Variants in SLC35F4 observed in about 807,000 individuals in gnomAD.
SLC35F4 encodes the protein chromosome 14 open reading frame 36.
Under a neutral mutation model 44.2 loss-of-function variants are expected in SLC35F4, and 24 were observed. The ratio of observed to expected loss-of-function variants is 0.54; its 90% CI spans 0.39 to 0.76. SLC35F4 has a LOEUF of 0.76. Among genes scored for constraint, SLC35F4 ranks in the 30% least tolerant of loss-of-function variants. The pLI, the probability that SLC35F4 is intolerant of heterozygous loss-of-function variation, is 0.00. For missense variants in SLC35F4, 562 were observed against 586.1 expected, an observed-to-expected ratio of 0.96 and a Z score of 0.42; for synonymous variants, 238 against 223.6, an observed-to-expected ratio of 1.06 and a Z score of -0.57.
chr14:57,970,525 A>T (rs1275367741), intron 1 of SLC35F4, among the ~76,000 whole-genome samples: 1 of 152,126 alleles, frequency 6.6e-6, no homozygotes, highest in Non-Finnish European at 1.5e-5. Flanking sequence ...TTTTGTTATG[A>T]ATGAAGTAGA....
chr14:57,652,172 G>A (rs574056021), intron 1 of SLC35F4, among the ~76,000 whole-genome samples: 2 of 152,322 alleles, frequency 1.3e-5, no homozygotes, highest in East Asian at 3.9e-4. Context: ...TCATACATAA[G>A]TATGGAAAAG....
At chr14:57,684,417 A>G (rs2075006631) in intron 1 of SLC35F4, among the ~76,000 whole-genome samples, 1 of 152,138 alleles carries the variant, frequency 6.6e-6, no homozygotes, top group Non-Finnish European at 1.5e-5. Flanking sequence ...ATCACCAGGC[A>G]TTAGATTCTC....
intron 1 of SLC35F4, among the ~76,000 whole-genome samples, chr14:57,727,433 AATTTT>A (rs1248917830): frequency 2.7e-5 from 4 of 150,254 alleles, no homozygotes; most frequent in Non-Finnish European, 5.9e-5. Context: ...TTCTTCTACT[AATTTT>A]GGGTTCAGTT....
At chr14:57,814,304 A>G (rs922476577) in intron 1 of SLC35F4, among the ~76,000 whole-genome samples, 13 of 152,248 alleles carry the variant, frequency 8.5e-5, no homozygotes, top group Admixed American at 1.3e-4. Context: ...TTCTAACTTC[A>G]GAATTTTCTT....
At chr14:57,726,899 A>C (rs1035325865) in intron 1 of SLC35F4, among the ~76,000 whole-genome samples, 2 of 152,140 alleles carry the variant, frequency 1.3e-5, no homozygotes, top group Non-Finnish European at 2.9e-5. Context: ...AGCTGCCAGC[A>C]CAGCTAGAAT....
intron 1 of SLC35F4, among the ~76,000 whole-genome samples, chr14:57,939,463 C>T (rs897369994): frequency 6.6e-6 from 1 of 152,180 alleles, no homozygotes; most frequent in Non-Finnish European, 1.5e-5. Context: ...GGGGCATTGG[C>T]CTGGAGACCA....
At chr14:57,714,603 T>G (rs931061696) in intron 1 of SLC35F4, among the ~76,000 whole-genome samples, 1 of 152,160 alleles carries the variant, frequency 6.6e-6, no homozygotes, top group Admixed American at 6.6e-5. Flanking sequence ...CAAACGATAT[T>G]GCCTGCCTGA....
Position 57,965,433 on chromosome 14 carries a change from G to A in SLC35F4, n.282+16480C>T, listed in dbSNP as rs372837845. On this transcript the variant is annotated intron_variant and non_coding_transcript_variant, in intron 1 of 1. Transcript: ENST00000556568. ...TAACCTCGCTATCTTGAGATTGGCTGTTTATCAGCTTTAATTTCATCTGCA... is the reference window on the plus strand; with the variant it reads ...TAACCTCGCTATCTTGAGATTGGCTATTTATCAGCTTTAATTTCATCTGCA... 1.6e-4 allele frequency among the ~76,000 whole-genome samples: 25 copies of A among 152,192 alleles called. No homozygotes were observed. The East Asian group carries it at 4.8e-3, about 29-fold the overall frequency.
intron 1 of SLC35F4, among the ~76,000 whole-genome samples, chr14:57,813,483 G>A (rs946083494): frequency 6.6e-6 from 1 of 152,068 alleles, no homozygotes; most frequent in Non-Finnish European, 1.5e-5. Flanking sequence ...CCAGCTACAC[G>A]GGAGGCTGAG....
At chr14:57,829,922 T>A (rs1363344124) in intron 1 of SLC35F4, among the ~76,000 whole-genome samples, 2 of 152,026 alleles carry the variant, frequency 1.3e-5, no homozygotes, top group African/African-American at 4.8e-5. Flanking sequence ...AACAGGAGAG[T>A]GACTTTATGG....
At chr14:57,652,830 A>G (rs1337713349) in intron 1 of SLC35F4, among the ~76,000 whole-genome samples, 2 of 152,242 alleles carry the variant, frequency 1.3e-5, no homozygotes, top group African/African-American at 2.4e-5. Context: ...CTCTGGAAGT[A>G]TAAGTGTGAG....
intron 1 of SLC35F4, among the ~76,000 whole-genome samples, chr14:57,613,583 G>A (rs1429817860): frequency 6.6e-6 from 1 of 152,190 alleles, no homozygotes; most frequent in South Asian, 2.1e-4. Context: ...GCAATAGTCC[G>A]AGCAAACATT....
intron 1 of SLC35F4, among the ~76,000 whole-genome samples, chr14:57,757,322 A>G (rs1056064621): frequency 6.6e-6 from 1 of 152,120 alleles, no homozygotes; most frequent in African/African-American, 2.4e-5. Context: ...ACAGCATTAT[A>G]TTTAGGTCTT....
intron 1 of SLC35F4, chr14:57,629,903 A>C (rs2072680978): frequency 1.6e-5 from 7 of 448,988 alleles, no homozygotes; most frequent in Non-Finnish European, 2.7e-5. Flanking sequence ...CACCACCACC[A>C]TGTCCTGCTA....
At chr14:57,895,010 A>G (rs1888843146) in intron 1 of SLC35F4, among the ~76,000 whole-genome samples, 1 of 152,168 alleles carries the variant, frequency 6.6e-6, no homozygotes, top group African/African-American at 2.4e-5. Flanking sequence ...ACCAAAGAGT[A>G]TGCATTGAGT....
chr14:57,802,398 A>G (rs780609116), intron 1 of SLC35F4, among the ~76,000 whole-genome samples: 1 of 152,040 alleles, frequency 6.6e-6, no homozygotes, highest in Non-Finnish European at 1.5e-5. Context: ...ACAACCTAAC[A>G]TCTCAACTAT....
intron 1 of SLC35F4, among the ~76,000 whole-genome samples, chr14:57,925,391 G>A (rs887014356): frequency 2.2e-4 from 34 of 151,790 alleles, no homozygotes; most frequent in African/African-American, 7.7e-4. Flanking sequence ...TACTCCCAGT[G>A]GTATATTTTC....
intron 1 of SLC35F4, among the ~76,000 whole-genome samples, chr14:57,707,339 T>C (rs2075702174): frequency 6.6e-6 from 1 of 152,054 alleles, no homozygotes; most frequent in Admixed American, 6.6e-5. Flanking sequence ...TGGGAAGAGA[T>C]TGGATCACGG....
intron 1 of SLC35F4, among the ~76,000 whole-genome samples, chr14:57,710,210 C>G (rs1171750365): frequency 6.6e-6 from 1 of 152,256 alleles, no homozygotes; most frequent in Non-Finnish European, 1.5e-5. Context: ...CAAGGTACTG[C>G]TCAGGCCATT....
Sources: gnomAD v4.1 joint callset for allele counts (sites outside exome capture counted in the v4.1 genomes callset) on GRCh38, gnomAD v4.1.1 for gene constraint, MANE v1.5 for transcripts, NCBI Gene and HGNC (gene_info 2026-07-23, HGNC 2026-07-21) for gene names.